The following PRKCA variants were observed in gnomAD, a reference collection of about 807,000 sequenced individuals.
PRKCA encodes the protein protein kinase C alpha type.
PRKCA carries 27 observed loss-of-function variants against 87.0 expected under a neutral mutation model. That is an observed-to-expected ratio of 0.31 (90% CI 0.23 to 0.43). The LOEUF is 0.43. Ranked by LOEUF, PRKCA falls within the 20% of genes least tolerant of loss-of-function variation. The probability of loss-of-function intolerance (pLI) is 1.00; values close to 1 mark genes in which losing one functional copy is unlikely to be tolerated. For synonymous variants in PRKCA, 329 were observed against 311.1 expected (o/e 1.06, Z -0.61); for missense variants, 518 against 852.3 (o/e 0.61, Z 4.88).
chr17:66,475,285 A>G (rs28742034), intron 2 of PRKCA, among the ~76,000 whole-genome samples: 2,557 of 152,136 alleles, frequency 0.017, 81 homozygotes, highest in African/African-American at 0.057. Flanking sequence ...TCCATCCTAG[A>G]TAATATACCT....
chr17:66,347,941 C>CTTTTTT lies in PRKCA; in HGVS notation c.205+41828_205+41833dup, dbSNP rs57292153. The stretch of plus-strand genomic sequence containing the variant: ...AGAATATTTACTCAGAATTCTGAAC[C>CTTTTTT]TTTTTTTTTTTTTTTTTTTGAGACA... On this transcript the variant is annotated intron_variant, in intron 2 of 16. Coordinates refer to ENST00000413366, the MANE Select transcript of PRKCA (RefSeq NM_002737.3). Among the ~76,000 whole-genome samples, 26 of 56,448 alleles carry CTTTTTT rather than the reference C, an allele frequency of 4.6e-4. 3 individuals are homozygous for CTTTTTT. Among genetic ancestry groups the CTTTTTT allele is most frequent in the South Asian group, 9.9e-4 (1 of 1,006 alleles). 37.0% of individuals were successfully genotyped at this position (56,448 alleles called of 152,430 possible).
intron 2 of PRKCA, among the ~76,000 whole-genome samples, chr17:66,446,610 G>A (rs1035606603): frequency 6.6e-6 from 1 of 152,150 alleles, no homozygotes; most frequent in African/African-American, 2.4e-5. Context: ...TGAGCACCAG[G>A]TGGGCTTGTA....
At chr17:66,657,515 C>T (rs1011499330) in intron 5 of PRKCA, among the ~76,000 whole-genome samples, 8 of 152,114 alleles carry the variant, frequency 5.3e-5, no homozygotes, top group South Asian at 2.1e-4. Flanking sequence ...TGGGAAATGC[C>T]GCACTGACCT....
At chr17:66,796,962 C>T in intron 16 of PRKCA, 2 of 985,384 alleles carry the variant, frequency 2.0e-6, no homozygotes, top group South Asian at 9.4e-5. Context: ...ATTTGTTCTG[C>T]ATCTTTCCTC....
At chr17:66,704,263 C>T (rs1973138526) in intron 8 of PRKCA, among the ~76,000 whole-genome samples, 1 of 151,728 alleles carries the variant, frequency 6.6e-6, no homozygotes, top group Non-Finnish European at 1.5e-5. Flanking sequence ...ACTTAAACAT[C>T]ATCTTCTGTC....
Position 66,788,964 on chromosome 17 carries a change from A to G in PRKCA, c.1839A>G (p.Pro613=), listed in dbSNP as rs753015298. The G allele has an allele frequency of 2.5e-6, 4 of 1,613,982 alleles. No individual in the cohort carries two copies. Among genetic ancestry groups the G allele is most frequent in the Non-Finnish European group, 3.4e-6 (4 of 1,180,032 alleles). Residue 613 remains proline, a synonymous_variant, in exon 16 of 17, where the codon CCA becomes CCG. Transcript: ENST00000413366. The stretch of plus-strand genomic sequence containing the variant: ...TGGAGAACAGGGAGATCCAGCCACC[A>G]TTCAAGCCCAAAGTGGTGAGTCCAG... ...EKLENREIQP[P]FKPKVCGKGA... is the part of the protein sequence containing the mutation.
At chr17:66,360,328 G>T (rs1908314077) in intron 2 of PRKCA, among the ~76,000 whole-genome samples, 1 of 152,146 alleles carries the variant, frequency 6.6e-6, no homozygotes, top group South Asian at 2.1e-4. Flanking sequence ...CTCTGTTTTA[G>T]TACTTGGGGG....
intron 3 of PRKCA, among the ~76,000 whole-genome samples, chr17:66,590,231 C>T (rs771799482): frequency 6.6e-6 from 1 of 152,138 alleles, no homozygotes; most frequent in Non-Finnish European, 1.5e-5. Context: ...TCTCTGGAGA[C>T]AATACCCCTG....
intron 2 of PRKCA, among the ~76,000 whole-genome samples, chr17:66,356,383 C>T (rs1908053356): frequency 1.3e-5 from 2 of 152,110 alleles, no homozygotes; most frequent in South Asian, 4.1e-4. Context: ...CGCCTGTAAT[C>T]CCAGCACTTT....
chr17:66,453,269 G>A (rs920700939), intron 2 of PRKCA, among the ~76,000 whole-genome samples: 5 of 151,996 alleles, frequency 3.3e-5, no homozygotes, highest in Non-Finnish European at 5.9e-5. Context: ...ATGTGCCCTC[G>A]TACAGATCCA....
intron 14 of PRKCA, among the ~76,000 whole-genome samples, chr17:66,776,809 G>C (rs1975061773): frequency 6.6e-6 from 1 of 152,194 alleles, no homozygotes; most frequent in Non-Finnish European, 1.5e-5. Context: ...CCTTGGGTTG[G>C]GCTGTCTGCG....
chr17:66,702,509 A>C (rs1455361969), intron 8 of PRKCA, among the ~76,000 whole-genome samples: 1 of 152,208 alleles, frequency 6.6e-6, no homozygotes, highest in Non-Finnish European at 1.5e-5. Context: ...AATGTACAGC[A>C]TGGTGACCAA....
intron 2 of PRKCA, among the ~76,000 whole-genome samples, chr17:66,371,425 C>T (rs941739432): frequency 6.6e-6 from 1 of 152,188 alleles, no homozygotes; most frequent in African/African-American, 2.4e-5. Flanking sequence ...TCAATGGAAA[C>T]CGGGGGTGAG....
chr17:66,777,420 T>TGGGGGGGGGGGGGGGGGGGG, intron 14 of PRKCA: 1 of 962,008 alleles, frequency 1.0e-6, no homozygotes, highest in South Asian at 4.9e-5. Flanking sequence ...ATTTATTTAG[T>TGGGGGGGGGGGGGGGGGGGG]TCCCCTCCCC....
intron 4 of PRKCA, among the ~76,000 whole-genome samples, chr17:66,642,537 G>C (rs1027480901): frequency 6.6e-6 from 1 of 152,148 alleles, no homozygotes; most frequent in Admixed American, 6.5e-5. Context: ...TTTTCTAATA[G>C]ATCGGGAACC....
rs76357668 is a variant in PRKCA at position 66,442,002 on chromosome 17, A to C, written c.206-54199A>C. On this transcript the variant is annotated intron_variant, in intron 2 of 16. Transcript: ENST00000413366. ...CCAGACAGTTTGGCTTTAGGGCCCC[A>C]ACTCTGCCAAGGGATATTTTTTATA... Among the ~76,000 whole-genome samples, 323 of 152,142 alleles carry C rather than the reference A, an allele frequency of 2.1e-3. 7 individuals are homozygous for C. In the East Asian group the frequency reaches 0.054, roughly 25 times the overall value.
intron 2 of PRKCA, among the ~76,000 whole-genome samples, chr17:66,431,638 C>A (rs900684415): frequency 6.6e-6 from 1 of 152,196 alleles, no homozygotes; most frequent in Non-Finnish European, 1.5e-5. Context: ...TGCGCTCCAG[C>A]AAAGTCCATG....
intron 1 of PRKCA, among the ~76,000 whole-genome samples, chr17:66,303,883 C>G (rs991704945): frequency 2.6e-5 from 4 of 152,074 alleles, no homozygotes; most frequent in African/African-American, 9.7e-5. Context: ...GCCTGTAATC[C>G]CAGCTACTCG....
intron 2 of PRKCA, among the ~76,000 whole-genome samples, chr17:66,398,392 T>C (rs904423770): frequency 6.6e-6 from 1 of 152,138 alleles, no homozygotes; most frequent in Non-Finnish European, 1.5e-5. Context: ...ACTTTTGAAG[T>C]GAATAGTGGC....
Sources: allele counts gnomAD v4.1 joint callset (sites outside exome capture counted in the v4.1 genomes callset), GRCh38; gene constraint gnomAD v4.1.1; transcripts MANE v1.5; gene names NCBI Gene and HGNC (gene_info 2026-07-23, HGNC 2026-07-21).